CFAP46: variants seen among roughly 807,000 people sequenced by gnomAD.
CFAP46 encodes the protein cilia- and flagella-associated protein 46.
In CFAP46, 245 loss-of-function variants were observed where a neutral mutation model predicts 325.7. That is an observed-to-expected ratio of 0.75 (90% CI 0.68 to 0.84). The LOEUF is 0.84. CFAP46 is among the 40% of genes least tolerant of loss of function. The pLI is 0.00. For synonymous variants in CFAP46, 1,523 were observed against 1,495.9 expected (o/e 1.02, Z -0.42); for missense variants, 3,346 against 3,543.0 (o/e 0.94, Z 1.41).
rs141103944 is a variant in CFAP46, at chr10:132,870,067, A to T, written c.4512-695T>A. On this transcript the variant is annotated intron_variant, in intron 32 of 57. Transcript: ENST00000368586. Reference sequence around the variant, plus strand: ...TCTGTGTCACATTTTGGTAATTCTCAAAATATTTCAAACTTTGTCATTATT... The same window carrying T: ...TCTGTGTCACATTTTGGTAATTCTCTAAATATTTCAAACTTTGTCATTATT... 9.9e-3 allele frequency among the ~76,000 whole-genome samples: 1,501 copies of T among 152,244 alleles called. 15 individuals carry two copies. The highest frequency in any genetic ancestry group is 0.043 in the South Asian group (209 of 4,816).
In CFAP46 at chr10:132,865,861, C is replaced by T. The variant is rs550046684; in HGVS notation, c.4890+164G>A. Among the ~76,000 whole-genome samples, 11 of 152,334 alleles carry T rather than the reference C, an allele frequency of 7.2e-5. No individual in the cohort carries two copies. The East Asian group carries it at 1.4e-3, about 19-fold the overall frequency. On this transcript the variant is annotated intron_variant, in intron 35 of 57. Coordinates refer to ENST00000368586, the MANE Select transcript of CFAP46 (RefSeq NM_001200049.3). ...GAGCAAAAGACGGACAGACAGAGGA[C>T]GCACAGGACTGACTTCCCGCAGAGA...
chr10:132,809,528 C>A (rs1847535774), intron 57 of CFAP46, among the ~76,000 whole-genome samples: 1 of 152,158 alleles, frequency 6.6e-6, no homozygotes, highest in Admixed American at 6.5e-5. Flanking sequence ...TATCCCCGGA[C>A]CGTGGACCAC....
At chr10:132,938,826 G>T in intron 4 of CFAP46, 73 bp from the exon 5 acceptor site, 1 of 1,454,798 alleles carries the variant, frequency 6.9e-7, no homozygotes, top group Non-Finnish European at 9.4e-7. Context: ...CCAAGGGGCC[G>T]CTGTGTCTCC....
chr10:132,864,564 T>C (rs1848781276), intron 35 of CFAP46, among the ~76,000 whole-genome samples: 2 of 106,302 alleles, frequency 1.9e-5, no homozygotes, highest in Non-Finnish European at 3.7e-5. Flanking sequence ...GCCTGAGACC[T>C]GCAAACATCT....
intron 48 of CFAP46, 32 bp from the exon 49 acceptor site, chr10:132,834,155 A>T (rs111626338): frequency 6.2e-7 from 1 of 1,604,320 alleles, no homozygotes; most frequent in East Asian, 2.2e-5. Flanking sequence ...CGGGTTTAAG[A>T]AACAGAGATA....
At chr10:132,811,943 C>T (rs764447004) in intron 55 of CFAP46, among the ~76,000 whole-genome samples, 2 of 152,224 alleles carry the variant, frequency 1.3e-5, no homozygotes, top group East Asian at 1.9e-4. Flanking sequence ...CAGCAACTCC[C>T]GAGTCCCTAA....
Position 132,860,857 on chromosome 10 carries a change from C to T in CFAP46, c.5016G>A (p.Glu1672=). The change falls in exon 36 of 58, where the codon GAG becomes GAA. Residue 1672 remains glutamate, a synonymous_variant. Transcript: ENST00000368586. ...TCAGAGTGGAATTGTACCAGAACTC[C>T]TCACTTCCGCCCAGGTGCTGGGCCT... ...IAQAQHLGGS[E]EFWYNSTLTL... The T allele has an allele frequency of 1.9e-6, 3 of 1,551,032 alleles. No homozygotes were observed. Among genetic ancestry groups the T allele is most frequent in the Non-Finnish European group, 2.6e-6 (3 of 1,147,080 alleles).
At chr10:132,872,957 G>A in intron 31 of CFAP46, 133 bp from the exon 32 acceptor site, 1 of 986,106 alleles carries the variant, frequency 1.0e-6, no homozygotes, top group Non-Finnish European at 1.5e-6. Flanking sequence ...CTCAGCGCGT[G>A]TCCGCACACA....
intron 39 of CFAP46, 91 bp from the exon 40 acceptor site, chr10:132,851,396 A>G (rs1848542462): frequency 3.9e-6 from 5 of 1,267,554 alleles, no homozygotes; most frequent in Admixed American, 2.5e-5. Context: ...TAACCGACGT[A>G]AGAAACTCAT....
chr10:132,909,951 G>C lies in CFAP46; in HGVS notation c.2617C>G (p.Gln873Glu), dbSNP rs1849516547. The change falls in exon 20 of 58, where the codon CAG (glutamine) becomes GAG (glutamate). Residue 873 changes from glutamine to glutamate, a missense_variant. Physicochemically the swap from Gln to Glu is conservative, Grantham distance 29. Transcript: ENST00000368586. The stretch of plus-strand genomic sequence containing the variant: ...TCGGTGCCCAGCCGTGGCCCAATCT[G>C]CTGCTGCAGCAGCTGCTTGGCCTTG... ...WVKAKQLLQQ[Q>E]IGPRLGTEEQ... The C allele has an allele frequency of 1.3e-6, 2 of 1,525,574 alleles. No individual in the cohort carries two copies. Among genetic ancestry groups the C allele is most frequent in the African/African-American group, 1.4e-5 (1 of 71,876 alleles). The allele number at this position is 1,525,574 out of a possible 1,614,324, so 94.5% of individuals were successfully genotyped here.
In CFAP46 at chr10:132,808,481, C is replaced by T. The variant is rs764694823; in HGVS notation, c.8088G>A (p.Ala2696=). The part of the protein sequence containing the change: ...GQDKGGLPLA[A]LVLSCLDQKT... ...TCTGGTCTAAGCAACTCAGCACCAG[C>T]GCCGCCAAGGGGAGGCCGCCCTTGT... Residue 2696 remains alanine, a synonymous_variant, in exon 58 of 58, where the codon GCG becomes GCA. Coordinates refer to ENST00000368586, the MANE Select transcript of CFAP46 (RefSeq NM_001200049.3). This position sits in a 1 kb window ranked among gnomAD's most constrained non-coding sequence, Gnocchi z 6.8. 194 of 1,613,148 alleles carry T rather than the reference C, an allele frequency of 1.2e-4. No individual in the cohort carries two copies. Among genetic ancestry groups the T allele is most frequent in the Middle Eastern group, 3.3e-4 (2 of 6,084 alleles).
intron 10 of CFAP46, 103 bp downstream of exon 10, chr10:132,926,465 C>T: frequency 1.2e-6 from 1 of 831,578 alleles, no homozygotes; most frequent in Non-Finnish European, 2.0e-6. Flanking sequence ...GGGGTCCAGG[C>T]CATGTCCCCA....
intron 50 of CFAP46, among the ~76,000 whole-genome samples, chr10:132,822,106 A>ATGTGTGCTG: frequency 9.4e-6 from 1 of 106,746 alleles, no homozygotes; most frequent in African/African-American, 3.9e-5. Flanking sequence ...GTGAGTGCTG[A>ATGTGTGCTG]TGTGTGCTGT....
At position 132,808,974 on chromosome 10, in the gene CFAP46, G is replaced by A. The variant is rs1484385007; in HGVS notation, c.7665-70C>T. On this transcript the variant is annotated intron_variant, in intron 57 of 57. Coordinates refer to ENST00000368586, the MANE Select transcript of CFAP46 (RefSeq NM_001200049.3). The surrounding 1 kb of genome is among the most constrained non-coding windows in gnomAD (Gnocchi z 6.8). ...GACGTCCAGCCCGGTGAGGACCAGG[G>A]CACAGGGGCGGGAAGTGGCAGCTGC... is the stretch of plus-strand genomic sequence containing the variant. 16 of 1,430,776 alleles carry A rather than the reference G, an allele frequency of 1.1e-5. No individual in the cohort carries two copies. The highest frequency in any genetic ancestry group is 5.7e-5 in the South Asian group (4 of 69,872). The allele number at this position is 1,430,776 out of a possible 1,614,324, so 88.6% of individuals were successfully genotyped here.
Position 132,919,189 on chromosome 10 carries a change from T to C in CFAP46, c.1858+126A>G. 1.2e-5 allele frequency: 12 copies of C among 1,026,738 alleles called. No individual in the cohort carries two copies. Among genetic ancestry groups the C allele is most frequent in the Non-Finnish European group, 1.6e-5 (12 of 742,526 alleles). 63.6% of individuals were successfully genotyped at this position (1,026,738 alleles called of 1,614,324 possible). A position where few individuals can be genotyped will look rare whatever the true frequency, so the allele number is the denominator to read the frequency against. ...TAATTAGTGGGAACTGCTACCATTG[T>C]GACTTAGCAATACGCTTTCTCATGC... is the stretch of plus-strand genomic sequence containing the variant. On this transcript the variant is annotated intron_variant, in intron 15 of 57. Coordinates refer to ENST00000368586, the MANE Select transcript of CFAP46 (RefSeq NM_001200049.3). The surrounding 1 kb of genome is among the most constrained non-coding windows in gnomAD (Gnocchi z 9.7).
rs1848978739 is a variant in CFAP46, at chr10:132,877,889, GCTCCTTGACTTTCTCCTCCTTTCCCTT to G, written c.4177_4203del (p.Lys1393_Glu1401del). 1 of 1,546,732 alleles carries G rather than the reference GCTCCTTGACTTTCTCCTCCTTTCCCTT, an allele frequency of 6.5e-7. No individual in the cohort carries two copies. On this transcript the variant is annotated inframe_deletion, in exon 30 of 58. Coordinates refer to ENST00000368586, the MANE Select transcript of CFAP46 (RefSeq NM_001200049.3). The surrounding 1 kb of genome is among the most constrained non-coding windows in gnomAD (Gnocchi z 5.7). ...GGCCACTTGGGCATCACCTGCTTGGGCTCCTTGACTTTCTCCTCCTTTCCCTTCTCCTTGTCCTTCTCTTTACTCCTC... is the reference window on the plus strand; with the variant it reads ...GGCCACTTGGGCATCACCTGCTTGGGCTCCTTGTCCTTCTCTTTACTCCTC...
rs140040960 is a variant in CFAP46 at position 132,865,665 on chromosome 10, C to T, written c.4890+360G>A. Among the ~76,000 whole-genome samples the T allele has an allele frequency of 9.2e-3, 1,406 of 152,298 alleles. 12 individuals carry two copies. Among genetic ancestry groups the T allele is most frequent in the South Asian group, 0.043 (209 of 4,826 alleles). On this transcript the variant is annotated intron_variant, in intron 35 of 57. Coordinates refer to ENST00000368586, the MANE Select transcript of CFAP46 (RefSeq NM_001200049.3). ...CCGCCTTCTAGAACAAAGTGGCGCTCCTGGCAGAGACACCCTCTGGGGTTC... is the reference window on the plus strand; with the variant it reads ...CCGCCTTCTAGAACAAAGTGGCGCTTCTGGCAGAGACACCCTCTGGGGTTC...
rs769284577 is a variant in CFAP46, at chr10:132,836,168, G to A, written c.6587C>T (p.Ala2196Val). 1.2e-6 allele frequency: 2 copies of A among 1,609,078 alleles called. No individual in the cohort carries two copies. Among genetic ancestry groups the A allele is most frequent in the South Asian group, 1.1e-5 (1 of 90,748 alleles). The change falls in exon 46 of 58, where the codon GCC becomes GTC. Residue 2196 changes from alanine to valine, a missense_variant. By Grantham distance (64) the Ala-to-Val change is moderately conservative. Transcript: ENST00000368586. ...AYEKPKFITA[A>V]KGKVQAVGGS... ...TCCCACCGCCTGCACCTTTCCTTTG[G>A]CTGCAGTAATGAACTTGGGTTTCTC...
chr10:132,865,533 G>A (rs2387073), intron 35 of CFAP46, among the ~76,000 whole-genome samples: 14,829 of 152,246 alleles, frequency 0.097, 1,950 homozygotes, highest in African/African-American at 0.3. Context: ...CAAACGTCCC[G>A]GGGCTTTCGC....
Sources: allele counts gnomAD v4.1 joint callset (sites outside exome capture counted in the v4.1 genomes callset), GRCh38; gene constraint gnomAD v4.1.1; non-coding constraint Gnocchi (gnomAD v3.1); transcripts MANE v1.5; gene names NCBI Gene and HGNC (gene_info 2026-07-23, HGNC 2026-07-21).